The following DNAH2 variants were observed in gnomAD, a reference collection of about 807,000 sequenced individuals.
The protein encoded by DNAH2 is dynein axonemal heavy chain 2.
Under a neutral mutation model 523.5 loss-of-function variants are expected in DNAH2, and 323 were observed. The observed-to-expected ratio is 0.62, with a 90% confidence interval of 0.56 to 0.68. The LOEUF (loss-of-function observed/expected upper bound fraction) is 0.68. Ranked by LOEUF, DNAH2 falls within the 30% of genes least tolerant of loss-of-function variation. The pLI is 0.00. For missense variants in DNAH2, 4,907 were observed against 5,701.5 expected (o/e 0.86, Z 4.49); for synonymous variants, 2,093 against 2,177.4 (o/e 0.96, Z 1.08).
intron 13 of DNAH2, among the ~76,000 whole-genome samples, chr17:7,757,895 G>A (rs961636749): frequency 6.6e-6 from 1 of 152,126 alleles, no homozygotes; most frequent in Non-Finnish European, 1.5e-5. Flanking sequence ...CTTTTATGAA[G>A]CCACTAATTC....
At chr17:7,794,797 C>T (rs1361441241) in intron 49 of DNAH2, among the ~76,000 whole-genome samples, 1 of 149,746 alleles carries the variant, frequency 6.7e-6, no homozygotes, top group Non-Finnish European at 1.5e-5. Context: ...CTCTGTTGCC[C>T]AGGCTGGAAT....
In DNAH2 at chr17:7,771,353, C is replaced by T; in HGVS notation, c.4386C>T (p.Ile1462=). ...AGAATATCTTCCTAGGAGAAGACAT[C>T]CGCAAGCAGCTGCCCAATGAATCGA... ...YLENIFLGED[I]RKQLPNESTL... is the part of the protein sequence containing the mutation. The change falls in exon 28 of 86, where the codon ATC becomes ATT. Residue 1462 remains isoleucine, a synonymous_variant. Transcript: ENST00000572933. 2 of 1,614,126 alleles carry T rather than the reference C, an allele frequency of 1.2e-6. No individual in the cohort carries two copies. The highest frequency in any genetic ancestry group is 1.7e-6 in the Non-Finnish European group (2 of 1,180,028).
chr17:7,742,258 T>A (rs1316541619), intron 11 of DNAH2, among the ~76,000 whole-genome samples: 1 of 151,982 alleles, frequency 6.6e-6, no homozygotes, highest in African/African-American at 2.4e-5. Flanking sequence ...GGTGAGACCC[T>A]GTCTCTACTA....
intron 4 of DNAH2, among the ~76,000 whole-genome samples, chr17:7,728,208 CAGAT>C (rs1450815842): frequency 2.0e-5 from 3 of 152,164 alleles, no homozygotes; most frequent in East Asian, 3.9e-4. Flanking sequence ...AGTTAAAAGA[CAGAT>C]GGATAGTAAA....
chr17:7,727,241 C>T lies in DNAH2; in HGVS notation c.348C>T (p.Ile116=). 2 of 1,611,958 alleles carry T rather than the reference C, an allele frequency of 1.2e-6. No individual in the cohort carries two copies. The highest frequency in any genetic ancestry group is 1.7e-6 in the Non-Finnish European group (2 of 1,179,108). The change falls in exon 4 of 86, where the codon ATC becomes ATT. Residue 116 remains isoleucine (I), a synonymous_variant. Transcript: ENST00000572933. ...ACCCTACAGAATCCATCCTCACCAT[C>T]TTCATTGACCCTTGTTTTGGGCTGA... ...AQDPTESILT[I]FIDPCFGLKL...
chr17:7,787,756 C>T (rs1314400608), intron 42 of DNAH2, 104 bp from the exon 43 acceptor site: 21 of 1,021,366 alleles, frequency 2.1e-5, no homozygotes, highest in Non-Finnish European at 2.7e-5. Context: ...AAAAAAAAAG[C>T]AAATCGTTTG....
intron 14 of DNAH2, 74 bp downstream of exon 14, chr17:7,758,725 T>A: frequency 6.4e-7 from 1 of 1,566,674 alleles, no homozygotes; most frequent in East Asian, 2.3e-5. Context: ...TGCATAGAGA[T>A]TGGGAAACCT....
In DNAH2 at chr17:7,824,623, G is replaced by T. The variant is rs2077968486; in HGVS notation, c.11749G>T (p.Asp3917Tyr). 6.2e-6 allele frequency: 10 copies of T among 1,608,318 alleles called. No homozygotes were observed. Among genetic ancestry groups the T allele is most frequent in the Middle Eastern group, 1.6e-4 (1 of 6,072 alleles). ...DKLVEQLQVE[D>Y]PHPSFRLWLS... is the part of the protein sequence containing the mutation. ...GCTGGTGGAGCAGCTGCAGGTGGAG[G>T]ATCCTCATCCATCCTTCCGCCTCTG... is the stretch of plus-strand genomic sequence containing the variant. Residue 3917 changes from aspartate (D) to tyrosine (Y), a missense_variant, in exon 77 of 86, where the codon GAT becomes TAT. Around this residue, in one of 3 missense-constraint regions of DNAH2, gnomAD observed 1,851 missense variants for 2,139.4 expected, o/e 0.87. Coordinates refer to ENST00000572933, the MANE Select transcript of DNAH2 (RefSeq NM_020877.5).
At chr17:7,762,976 A>G in intron 18 of DNAH2, among the ~76,000 whole-genome samples, 1 of 150,476 alleles carries the variant, frequency 6.6e-6, no homozygotes, top group South Asian at 2.1e-4. Flanking sequence ...TGCCACTCTA[A>G]AGCTTTTTTT....
chr17:7,804,234 C>A (rs1174708454), intron 58 of DNAH2, 22 bp from the exon 59 acceptor site: 1 of 1,613,224 alleles, frequency 6.2e-7, no homozygotes, highest in Non-Finnish European at 8.5e-7. Context: ...CTCTCCACAC[C>A]CTGTCCTATT....
Position 7,775,072 on chromosome 17 carries a change from G to A in DNAH2, c.4719+96G>A, listed in dbSNP as rs2076411981. The A allele has an allele frequency of 3.0e-6, 4 of 1,336,872 alleles. No individual in the cohort carries two copies. The Admixed American group carries it at 8.8e-5, about 29-fold the overall frequency. 82.8% of individuals were successfully genotyped at this position (1,336,872 alleles called of 1,614,324 possible). ...GGGGACCCTGCCCTCCCAAAAGGAG[G>A]GCCATGTTAATTAATGATTCTCAAT... On this transcript the variant is annotated intron_variant, in intron 29 of 85. Transcript: ENST00000572933.
chr17:7,815,268 GAA>G (rs1402530647), intron 63 of DNAH2, among the ~76,000 whole-genome samples: 15 of 152,272 alleles, frequency 9.9e-5, no homozygotes, highest in Admixed American at 9.8e-4. Flanking sequence ...CCGAAAGGAT[GAA>G]ACTTACCAGA....
chr17:7,778,426 T>G lies in DNAH2; in HGVS notation c.5498T>G (p.Leu1833Arg). 6.2e-7 allele frequency: 1 copy of G among 1,614,240 alleles called. No individual in the cohort carries two copies. The highest frequency in any genetic ancestry group is 8.5e-7 in the Non-Finnish European group (1 of 1,180,040). ...ATTGTGGTCAACTGCTCTGAGGGCC[T>G]GGACTACAAGTCCATGGGCCGAATG... ...YVIVVNCSEG[L>R]DYKSMGRMYS... The change falls in exon 35 of 86, where the codon CTG (leucine) becomes CGG (arginine). Residue 1833 changes from leucine (L) to arginine (R), a missense_variant. By Grantham distance (102) the Leu-to-Arg change is moderately radical. Around this residue, in one of 3 missense-constraint regions of DNAH2, gnomAD observed 2,806 missense variants for 3,190.8 expected, o/e 0.88. Transcript: ENST00000572933.
chr17:7,819,415 G>C lies in DNAH2; in HGVS notation c.11015+7G>C. On this transcript the variant is annotated splice_region_variant and intron_variant, in intron 72 of 85. Coordinates refer to ENST00000572933, the MANE Select transcript of DNAH2 (RefSeq NM_020877.5). ...ACACCTACGCTGTCTACAGGTCTGA[G>C]GGTGCCCCCAACATGCCCCAGCCCG... 6.2e-7 allele frequency: 1 copy of C among 1,614,136 alleles called. No individual in the cohort carries two copies. The highest frequency in any genetic ancestry group is 8.5e-7 in the Non-Finnish European group (1 of 1,179,956).
In DNAH2 at chr17:7,798,153, C is replaced by T. The variant is rs2077118746; in HGVS notation, c.8231-4C>T. ...CATTACCCTCACACCCACCCCACCC[C>T]CAGTCACACGGATCGTGCGGGTCAT... On this transcript the variant is annotated splice_polypyrimidine_tract_variant and splice_region_variant and intron_variant, in intron 53 of 85. Coordinates refer to ENST00000572933, the MANE Select transcript of DNAH2 (RefSeq NM_020877.5). This position sits in a 1 kb window ranked among gnomAD's most constrained non-coding sequence, Gnocchi z 5.5. 1 of 1,585,282 alleles carries T rather than the reference C, an allele frequency of 6.3e-7. No homozygotes were observed. Among genetic ancestry groups the T allele is most frequent in the African/African-American group, 1.3e-5 (1 of 74,442 alleles).
chr17:7,788,145 T>C lies in DNAH2; in HGVS notation c.6801T>C (p.Phe2267=). The C allele has an allele frequency of 6.2e-7, 1 of 1,614,214 alleles. No individual in the cohort carries two copies. The highest frequency in any genetic ancestry group is 8.5e-7 in the Non-Finnish European group (1 of 1,180,038). The stretch of plus-strand genomic sequence containing the variant: ...AGCTCATCAACAAGATGCTGGCCTT[T>C]AAGAAGGACAACTGCAAGGAGCTGG... The part of the protein sequence containing the change: ...FEKLINKMLA[F]KKDNCKELVP... Residue 2267 remains phenylalanine (F), a synonymous_variant, in exon 44 of 86, where the codon TTT becomes TTC. Transcript: ENST00000572933.
intron 64 of DNAH2, 126 bp downstream of exon 64, chr17:7,816,861 T>C (rs2077684026): frequency 7.2e-6 from 9 of 1,248,848 alleles, no homozygotes; most frequent in African/African-American, 1.5e-5. Context: ...CTCTAAGAAC[T>C]GAGGCGTGGG....
intron 47 of DNAH2, 53 bp from the exon 48 acceptor site, chr17:7,792,928 A>C: frequency 6.2e-7 from 1 of 1,602,998 alleles, no homozygotes; most frequent in Non-Finnish European, 8.5e-7. Flanking sequence ...CTCCTCTCTA[A>C]GCCCGTATTT....
chr17:7,723,790 ACTT>A (rs1039210509), intron 3 of DNAH2, 101 bp downstream of exon 3: 79 of 990,352 alleles, frequency 8.0e-5, no homozygotes, highest in Non-Finnish European at 1.1e-4. Context: ...CTTGTCTGCC[ACTT>A]CTTCTACTTG....
Sources: gnomAD v4.1 joint callset for allele counts (sites outside exome capture counted in the v4.1 genomes callset) on GRCh38, gnomAD v4.1.1 for gene constraint, gnomAD v4.1.1 regional missense constraint, Gnocchi (gnomAD v3.1) non-coding constraint, MANE v1.5 for transcripts, NCBI Gene and HGNC (gene_info 2026-07-23, HGNC 2026-07-21) for gene names.